The following APLP2 variants were observed in gnomAD, a reference collection of about 807,000 sequenced individuals.
APLP2 encodes the protein amyloid beta precursor like protein 2.
APLP2 carries 53 observed loss-of-function variants against 89.9 expected under a neutral mutation model. That is an observed-to-expected ratio of 0.59 (90% CI 0.47 to 0.74). APLP2 has a LOEUF of 0.74. Among genes scored for constraint, APLP2 ranks in the 30% least tolerant of loss-of-function variants. The probability of loss-of-function intolerance (pLI) is 0.00; values close to 1 mark genes in which losing one functional copy is unlikely to be tolerated. For synonymous variants in APLP2, 372 were observed against 348.6 expected (o/e 1.07, Z -0.75); for missense variants, 973 against 975.9 (o/e 1.00, Z 0.04).
chr11:130,095,256 C>A (rs73583485), intron 1 of APLP2, among the ~76,000 whole-genome samples: 3,840 of 152,274 alleles, frequency 0.025, 193 homozygotes, highest in East Asian at 0.24. Context: ...TCTGTAGTTA[C>A]AACTACTCGG....
chr11:130,110,937 A>G (rs1270004425), intron 3 of APLP2, among the ~76,000 whole-genome samples: 1 of 152,140 alleles, frequency 6.6e-6, no homozygotes, highest in Non-Finnish European at 1.5e-5. Context: ...ACGCCCTCAC[A>G]TTGTTTGATA....
chr11:130,142,904 C>T (rs541766034), intron 16 of APLP2, among the ~76,000 whole-genome samples: 119 of 152,336 alleles, frequency 7.8e-4, no homozygotes, highest in African/African-American at 2.8e-3. Flanking sequence ...TGAGCTACTG[C>T]ACCTGGCCAG....
intron 2 of APLP2, among the ~76,000 whole-genome samples, chr11:130,110,287 T>A (rs1003027745): frequency 2.0e-5 from 3 of 152,246 alleles, no homozygotes; most frequent in Admixed American, 2.0e-4. Context: ...GTGCTGCTTT[T>A]GTTTGTCCTT....
Position 130,100,117 on chromosome 11 carries a change from A to G in APLP2, c.106-9312A>G, listed in dbSNP as rs1052701815. Among the ~76,000 whole-genome samples the G allele has an allele frequency of 1.3e-5, 2 of 152,258 alleles. 1 individual carries two copies. Among genetic ancestry groups the G allele is most frequent in the Admixed American group, 1.3e-4 (2 of 15,288 alleles). On this transcript the variant is annotated intron_variant, in intron 1 of 16. Coordinates refer to ENST00000338167, the MANE Select transcript of APLP2 (RefSeq NM_001142276.2). ...GTCAGAGCAGCACTGATGTGTAGTT[A>G]TTATTGTCATTACCTTATAGATGAC...
At chr11:130,112,104 A>T (rs966640283) in intron 3 of APLP2, among the ~76,000 whole-genome samples, 1 of 152,184 alleles carries the variant, frequency 6.6e-6, no homozygotes, top group Non-Finnish European at 1.5e-5. Flanking sequence ...AAATAGGCTT[A>T]TAGTCATGAT....
rs1565609944 is a variant in APLP2 at position 130,144,030 on chromosome 11, G to T, written c.*582G>T. The T allele has an allele frequency of 6.5e-6, 1 of 152,858 alleles. No homozygotes were observed. 9.5% of individuals were successfully genotyped at this position (152,858 alleles called of 1,614,324 possible). A position where few individuals can be genotyped will look rare whatever the true frequency, so the allele number is the denominator to read the frequency against. ...GAAAGGACCAGTTTCTTGAAGTCCA[G>T]TGTTTCCACGGCTGGATACCTGTGT... On this transcript the variant is annotated 3_prime_UTR_variant, in exon 17 of 17. Coordinates refer to ENST00000338167, the MANE Select transcript of APLP2 (RefSeq NM_001142276.2).
intron 1 of APLP2, among the ~76,000 whole-genome samples, chr11:130,105,449 T>A (rs1456095280): frequency 6.6e-6 from 1 of 152,214 alleles, no homozygotes; most frequent in East Asian, 1.9e-4. Context: ...AAGCTACCCT[T>A]TCTTGTTAGT....
intron 1 of APLP2, among the ~76,000 whole-genome samples, chr11:130,107,442 C>T (rs182537320): frequency 3.9e-5 from 6 of 152,244 alleles, no homozygotes; most frequent in Admixed American, 2.6e-4. Context: ...AGAGCCAAAT[C>T]GTGAGTGAAC....
At chr11:130,114,138 T>A (rs1365064183) in intron 3 of APLP2, 1 of 152,254 alleles carries the variant, frequency 6.6e-6, no homozygotes, top group East Asian at 1.9e-4. Flanking sequence ...CTACAGACCC[T>A]ACTCAGGTTT....
intron 2 of APLP2, among the ~76,000 whole-genome samples, 199 bp from the exon 3 acceptor site, chr11:130,110,339 C>T (rs757656500): frequency 2.0e-5 from 3 of 152,196 alleles, no homozygotes; most frequent in African/African-American, 7.2e-5. Context: ...TGGAAGTGTT[C>T]AGAAATCTAA....
chr11:130,082,253 G>T (rs1013476013), intron 1 of APLP2, among the ~76,000 whole-genome samples: 13 of 151,644 alleles, frequency 8.6e-5, no homozygotes, highest in Admixed American at 6.6e-5. Flanking sequence ...GCACGATTTT[G>T]GCTCACTACA....
intron 1 of APLP2, among the ~76,000 whole-genome samples, chr11:130,083,702 A>G (rs1943624587): frequency 6.6e-6 from 1 of 152,080 alleles, no homozygotes; most frequent in Non-Finnish European, 1.5e-5. Context: ...TTATGTATAT[A>G]TCATATTTTC....
Position 130,110,576 on chromosome 11 carries a change from A to G in APLP2, c.318A>G (p.Ala106=). Residue 106 remains alanine, a synonymous_variant, in exon 3 of 17, where the codon GCA becomes GCG. Transcript: ENST00000338167. ...TACAGATCACAAATGTGATGGAGGC[A>G]AACCAGCGGGTTAGTATTGACAACT... ...PELQITNVME[A]NQRVSIDNWC... 6.2e-7 allele frequency: 1 copy of G among 1,614,010 alleles called. No individual in the cohort carries two copies. The highest frequency in any genetic ancestry group is 8.5e-7 in the Non-Finnish European group (1 of 1,179,974).
At chr11:130,095,474 A>T (rs543693745) in intron 1 of APLP2, among the ~76,000 whole-genome samples, 2 of 152,338 alleles carry the variant, frequency 1.3e-5, no homozygotes, top group South Asian at 2.1e-4. Context: ...ACATTGGAGG[A>T]TAATATCTGG....
At chr11:130,092,582 G>C (rs1237575017) in intron 1 of APLP2, among the ~76,000 whole-genome samples, 1 of 148,598 alleles carries the variant, frequency 6.7e-6, no homozygotes, top group Non-Finnish European at 1.5e-5. Flanking sequence ...GTGGCGGCGC[G>C]TGCCTGCAAT....
intron 2 of APLP2, 143 bp downstream of exon 2, chr11:130,109,745 A>G (rs1445460048): frequency 2.2e-6 from 2 of 891,642 alleles, no homozygotes; most frequent in East Asian, 3.0e-5. Context: ...TTTTGTTTCT[A>G]AATGTGTGGC....
At chr11:130,098,062 G>A (rs1207829057) in intron 1 of APLP2, among the ~76,000 whole-genome samples, 2 of 152,070 alleles carry the variant, frequency 1.3e-5, no homozygotes, top group African/African-American at 4.8e-5. Context: ...GTGGATGCTG[G>A]GGACCCCTCC....
At chr11:130,098,391 G>A (rs1237841411) in intron 1 of APLP2, among the ~76,000 whole-genome samples, 1 of 150,182 alleles carries the variant, frequency 6.7e-6, no homozygotes, top group African/African-American at 2.5e-5. Flanking sequence ...GTGACAGAGG[G>A]AGACTCCGTC....
chr11:130,075,007 G>T lies in APLP2; in HGVS notation c.105+4925G>T, dbSNP rs550003493. Among the ~76,000 whole-genome samples the T allele has an allele frequency of 2.0e-5, 3 of 152,262 alleles. No homozygotes were observed. In the South Asian group the frequency reaches 6.2e-4, roughly 32 times the overall value. ...GAAGTTTAATTAAATTTAGTGTATT[G>T]TACCTTGATTTATGGCCTAAGATGG... On this transcript the variant is annotated intron_variant, in intron 1 of 16. Transcript: ENST00000338167.
Sources: gnomAD v4.1 joint callset for allele counts (sites outside exome capture counted in the v4.1 genomes callset) on GRCh38, gnomAD v4.1.1 for gene constraint, MANE v1.5 for transcripts, NCBI Gene and HGNC (gene_info 2026-07-23, HGNC 2026-07-21) for gene names.